The following EPB41L5 variants were observed in gnomAD, a reference collection of about 807,000 sequenced individuals.
EPB41L5 encodes erythrocyte membrane protein band 4.1 like 5, also known as band 4.1-like protein 5.
Under a neutral mutation model 106.6 loss-of-function variants are expected in EPB41L5, and 55 were observed. The observed-to-expected ratio is 0.52, with a 90% CI of 0.42 to 0.65. EPB41L5 has a LOEUF of 0.65. EPB41L5 is among the 30% of genes least tolerant of loss of function. The pLI, the probability that EPB41L5 is intolerant of heterozygous loss-of-function variation, is 0.00. For missense variants in EPB41L5, 871 were observed against 882.1 expected (o/e 0.99, Z 0.16); for synonymous variants, 297 against 306.7 (o/e 0.97, Z 0.33).
intron 3 of EPB41L5, among the ~76,000 whole-genome samples, chr2:120,065,225 C>T (rs557747225): frequency 3.3e-4 from 50 of 152,058 alleles, no homozygotes; most frequent in Non-Finnish European, 6.5e-4. Context: ...GCAGCCCTCT[C>T]GCCTCAGCCT....
chr2:120,070,125 A>G (rs1219023462), intron 3 of EPB41L5, among the ~76,000 whole-genome samples: 5 of 152,132 alleles, frequency 3.3e-5, no homozygotes, highest in African/African-American at 7.2e-5. Context: ...AATCAAATAG[A>G]CAATAAAAAA....
At chr2:120,100,207 T>G in intron 14 of EPB41L5, 37 bp from the exon 15 acceptor site, 2 of 1,563,350 alleles carry the variant, frequency 1.3e-6, no homozygotes, top group Non-Finnish European at 1.8e-6. Context: ...TGAAATTTCA[T>G]ATAGGGTTTT....
rs145583905 is a variant in EPB41L5 at position 120,092,008 on chromosome 2, T to TTTTATTTATTTATTTA, written c.1150+371_1150+386dup. On this transcript the variant is annotated intron_variant, in intron 13 of 24. Transcript: ENST00000263713. ...TCCCCTTAGGAATTTTTAAAAACAT[T>TTTTATTTATTTATTTA]TTTATTTATTTATTTATTTATTTAT... Among the ~76,000 whole-genome samples the TTTTATTTATTTATTTA allele has an allele frequency of 1.2e-3, 171 of 146,762 alleles. 1 individual carries two copies. In the Middle Eastern group the frequency reaches 0.014, roughly 12 times the overall value.
intron 18 of EPB41L5, among the ~76,000 whole-genome samples, chr2:120,134,035 T>C (rs1685818204): frequency 6.6e-6 from 1 of 152,032 alleles, no homozygotes; most frequent in East Asian, 1.9e-4. Context: ...TGAGGGAAAG[T>C]ATCCAGTCCT....
At position 120,100,800 on chromosome 2, in the gene EPB41L5, G is replaced by A. The variant is rs1337556395; in HGVS notation, c.1323G>A (p.Gln441=). ...TTCCACAGAGTCCTGGAACAGACCA[G>A]CATGACAGGAAATGGTTTGTTAATT... is the stretch of plus-strand genomic sequence containing the variant. ...ENLPQSPGTD[Q]HDRKCIPLNI... The change falls in exon 16 of 25, where the codon CAG becomes CAA. Residue 441 remains glutamine, a synonymous_variant. Transcript: ENST00000263713. The A allele has an allele frequency of 6.3e-7, 1 of 1,599,226 alleles. No individual in the cohort carries two copies. The highest frequency in any genetic ancestry group is 8.5e-7 in the Non-Finnish European group (1 of 1,170,220).
intron 16 of EPB41L5, among the ~76,000 whole-genome samples, chr2:120,127,461 A>G (rs1685507363): frequency 6.6e-6 from 1 of 152,186 alleles, no homozygotes; most frequent in Admixed American, 6.5e-5. Context: ...TATACTTTAA[A>G]TCATCTGTAG....
intron 3 of EPB41L5, among the ~76,000 whole-genome samples, chr2:120,062,369 A>G (rs1319104794): frequency 4.6e-5 from 7 of 152,226 alleles, no homozygotes; most frequent in Non-Finnish European, 4.4e-5. Flanking sequence ...TGAATTTTTC[A>G]GGAAAACTCC....
rs747235366 is a variant in EPB41L5 at position 120,178,518 on chromosome 2, G to A, written c.*3611G>A. Reference sequence around the variant, plus strand: ...ATGCCCTTGACCATGTGGTTGCTTGGAGACCTGGGGTCTTCTGCAGACTGA... The same window carrying A: ...ATGCCCTTGACCATGTGGTTGCTTGAAGACCTGGGGTCTTCTGCAGACTGA... On this transcript the variant is annotated 3_prime_UTR_variant, in exon 25 of 25. Coordinates refer to ENST00000263713, the MANE Select transcript of EPB41L5 (RefSeq NM_020909.4). 6.6e-6 allele frequency: 1 copy of A among 152,200 alleles called. No individual in the cohort carries two copies. Among genetic ancestry groups the A allele is most frequent in the Non-Finnish European group, 1.5e-5 (1 of 68,050 alleles). 9.4% of individuals were successfully genotyped at this position (152,200 alleles called of 1,614,324 possible).
chr2:120,152,892 A>G (rs140259088), intron 20 of EPB41L5, among the ~76,000 whole-genome samples: 1 of 152,240 alleles, frequency 6.6e-6, no homozygotes, highest in Non-Finnish European at 1.5e-5. Context: ...TAAATTGCTC[A>G]TAGTATTTTC....
intron 13 of EPB41L5, 120 bp from the exon 14 acceptor site, chr2:120,093,129 T>G (rs756841135): frequency 2.2e-5 from 19 of 860,868 alleles, no homozygotes; most frequent in Non-Finnish European, 3.3e-5. Flanking sequence ...CTCAAAGAAA[T>G]AAATTTATGG....
intron 3 of EPB41L5, among the ~76,000 whole-genome samples, chr2:120,072,610 A>G (rs980707236): frequency 6.6e-6 from 1 of 152,188 alleles, no homozygotes; most frequent in Admixed American, 6.5e-5. Flanking sequence ...ATAAAATAGG[A>G]TGAGTTCATG....
chr2:120,018,465 T>G (rs1407901852), intron 1 of EPB41L5, among the ~76,000 whole-genome samples: 1 of 152,214 alleles, frequency 6.6e-6, no homozygotes, highest in East Asian at 1.9e-4. Context: ...CTGTGTCTTA[T>G]ACATACAAGT....
intron 3 of EPB41L5, among the ~76,000 whole-genome samples, chr2:120,055,047 G>A (rs541036095): frequency 2.6e-5 from 4 of 151,870 alleles, no homozygotes; most frequent in Admixed American, 1.3e-4. Flanking sequence ...TGCACCTTTA[G>A]CAGAGATGGG....
At chr2:120,045,847 A>T (rs1679734031) in intron 3 of EPB41L5, among the ~76,000 whole-genome samples, 1 of 142,494 alleles carries the variant, frequency 7.0e-6, no homozygotes, top group African/African-American at 2.6e-5. Context: ...CTGGTGTGTG[A>T]TGCTCGCCTT....
intron 3 of EPB41L5, among the ~76,000 whole-genome samples, chr2:120,044,994 A>G (rs567761451): frequency 1.3e-5 from 2 of 152,354 alleles, no homozygotes; most frequent in African/African-American, 4.8e-5. Context: ...GAGTCTCATG[A>G]CATAAACAAT....
intron 24 of EPB41L5, among the ~76,000 whole-genome samples, chr2:120,172,712 C>T (rs545629666): frequency 6.6e-6 from 1 of 152,104 alleles, no homozygotes; most frequent in East Asian, 1.9e-4. Context: ...ACCCAGGAGG[C>T]AGTAGAGAGG....
At chr2:120,151,946 A>G (rs549856296) in intron 20 of EPB41L5, among the ~76,000 whole-genome samples, 1 of 152,258 alleles carries the variant, frequency 6.6e-6, no homozygotes, top group South Asian at 2.1e-4. Flanking sequence ...AAGATTTTCT[A>G]TATACATGAT....
chr2:120,022,511 A>G (rs1678007626), intron 2 of EPB41L5, among the ~76,000 whole-genome samples: 1 of 151,926 alleles, frequency 6.6e-6, no homozygotes, highest in East Asian at 1.9e-4. Flanking sequence ...AAGGACGTGA[A>G]CTCATCCTTT....
intron 16 of EPB41L5, among the ~76,000 whole-genome samples, chr2:120,118,836 T>A (rs1685075639): frequency 6.6e-6 from 1 of 152,196 alleles, no homozygotes; most frequent in African/African-American, 2.4e-5. Context: ...AAAGATATTC[T>A]TTTGGGTATA....
Sources: gnomAD v4.1 joint callset for allele counts (sites outside exome capture counted in the v4.1 genomes callset) on GRCh38, gnomAD v4.1.1 for gene constraint, MANE v1.5 for transcripts, NCBI Gene and HGNC (gene_info 2026-07-23, HGNC 2026-07-21) for gene names.